TENM3: variants seen among roughly 807,000 people sequenced by gnomAD.
TENM3 encodes teneurin transmembrane protein 3.
TENM3 carries 63 observed loss-of-function variants against 255.1 expected under a neutral mutation model. That is an observed-to-expected ratio of 0.25 (90% CI 0.20 to 0.30). The LOEUF is 0.30. Ranked by LOEUF, TENM3 falls within the 10% of genes least tolerant of loss-of-function variation. The pLI is 1.00. For synonymous variants in TENM3, 1,306 were observed against 1,322.3 expected (o/e 0.99, Z 0.27); for missense variants, 2,929 against 3,461.1 (o/e 0.85, Z 3.86).
chr4:182,482,610 T>G (rs750628691), intron 3 of TENM3, among the ~76,000 whole-genome samples: 9 of 152,234 alleles, frequency 5.9e-5, no homozygotes, highest in Non-Finnish European at 4.4e-5. Flanking sequence ...CTTAACCTTT[T>G]GCAATTTTAG....
At chr4:181,713,505 A>G in the TENM3 span, among the ~76,000 whole-genome samples, 1 of 152,300 alleles carries the variant, frequency 6.6e-6, no homozygotes, top group Non-Finnish European at 1.5e-5. Flanking sequence ...TGGTTGAGGG[A>G]AAATCTTCTT....
intron 3 of TENM3, among the ~76,000 whole-genome samples, chr4:182,427,171 C>T (rs1266461141): frequency 6.6e-6 from 1 of 152,070 alleles, no homozygotes; most frequent in East Asian, 1.9e-4. Context: ...CAACTTTTTA[C>T]TTCTACTCAT....
the TENM3 span, among the ~76,000 whole-genome samples, chr4:181,767,223 G>A: frequency 3.7e-5 from 5 of 136,210 alleles, no homozygotes; most frequent in East Asian, 8.5e-4. Flanking sequence ...CTGCGCTCCA[G>A]CCTGGGCGAG....
At chr4:182,636,533 C>T (rs186053481) in intron 5 of TENM3, among the ~76,000 whole-genome samples, 68 of 151,958 alleles carry the variant, frequency 4.5e-4, no homozygotes, top group African/African-American at 1.3e-3. Flanking sequence ...CTGGCCAGCA[C>T]GGTGAAACCC....
the TENM3 span, among the ~76,000 whole-genome samples, chr4:181,761,571 C>T: frequency 0.84 from 128,307 of 152,174 alleles, 54,308 homozygotes; most frequent in East Asian, 0.94. Flanking sequence ...CCACTAAATT[C>T]AGATATCTAA....
At chr4:182,619,971 T>C (rs994730289) in intron 4 of TENM3, among the ~76,000 whole-genome samples, 1 of 152,264 alleles carries the variant, frequency 6.6e-6, no homozygotes, top group Non-Finnish European at 1.5e-5. Flanking sequence ...AGGTTCACTT[T>C]TTTTCATTCC....
the TENM3 span, among the ~76,000 whole-genome samples, chr4:181,459,649 T>A: frequency 6.6e-6 from 1 of 151,988 alleles, no homozygotes; most frequent in East Asian, 1.9e-4. Flanking sequence ...ATAAGATGGG[T>A]CCTATTTGTA....
the TENM3 span, among the ~76,000 whole-genome samples, chr4:181,499,072 T>A: frequency 6.6e-6 from 1 of 152,202 alleles, no homozygotes. Flanking sequence ...TGCTATTTCA[T>A]CTTGTTGGAT....
the TENM3 span, among the ~76,000 whole-genome samples, chr4:181,986,396 C>T: frequency 1.1e-4 from 16 of 152,052 alleles, no homozygotes; most frequent in Middle Eastern, 3.2e-3. Context: ...CCAGCATGTT[C>T]AGTCTCTTCC....
chr4:181,486,511 T>G, the TENM3 span, among the ~76,000 whole-genome samples: 10 of 152,014 alleles, frequency 6.6e-5, no homozygotes, highest in Non-Finnish European at 1.5e-4. Flanking sequence ...AAAAAGGAGG[T>G]CATTAGCTTG....
At chr4:181,501,897 G>A in the TENM3 span, among the ~76,000 whole-genome samples, 12 of 152,210 alleles carry the variant, frequency 7.9e-5, no homozygotes, top group South Asian at 4.2e-4. Flanking sequence ...AGGGCGAGCC[G>A]GGACATAAGT....
intron 3 of TENM3, among the ~76,000 whole-genome samples, chr4:182,461,248 A>G (rs910353054): frequency 5.3e-5 from 8 of 152,202 alleles, no homozygotes; most frequent in Non-Finnish European, 7.4e-5. Context: ...AGTCAGTGTC[A>G]TATCAAGAAG....
chr4:182,323,420 T>TA (rs11313091), intron 1 of TENM3, among the ~76,000 whole-genome samples: 2,265 of 130,314 alleles, frequency 0.017, 34 homozygotes, highest in Admixed American at 0.058. Context: ...TAAGATATAT[T>TA]AAAAAAAAAA....
the TENM3 span, chr4:182,079,624 A>G: frequency 6.6e-6 from 1 of 152,256 alleles, no homozygotes; most frequent in African/African-American, 2.4e-5. Context: ...ATAAGCAACC[A>G]GGACTATATC....
chr4:182,698,417 C>T (rs917258754), intron 12 of TENM3, among the ~76,000 whole-genome samples: 2 of 152,116 alleles, frequency 1.3e-5, no homozygotes, highest in African/African-American at 4.8e-5. Context: ...GTGAGTCATA[C>T]GATGACGTCT....
chr4:181,945,578 T>C, the TENM3 span, among the ~76,000 whole-genome samples: 1 of 151,846 alleles, frequency 6.6e-6, no homozygotes, highest in African/African-American at 2.4e-5. Context: ...ACTTAGTCAA[T>C]CTGCTTGTGT....
chr4:181,865,579 G>A, the TENM3 span, among the ~76,000 whole-genome samples: 1 of 152,186 alleles, frequency 6.6e-6, no homozygotes, highest in African/African-American at 2.4e-5. Context: ...GCAAAGAGGA[G>A]GGGCTGAAGG....
rs928671873 is a variant in TENM3, at chr4:182,176,449, C to T, written c.-76+31695C>T. On this transcript the variant is annotated intron_variant, in intron 1 of 2. Transcript: ENST00000512480. ...ATATGTAAACATGTTGAAATCGTAC[C>T]TGGTACATAACACTCAAGATGTGTT... Among the ~76,000 whole-genome samples, 18 of 152,162 alleles carry T rather than the reference C, an allele frequency of 1.2e-4. No individual in the cohort carries two copies. The Middle Eastern group carries it at 0.01, about 87-fold the overall frequency.
chr4:182,386,910 G>T (rs149129969), intron 3 of TENM3, among the ~76,000 whole-genome samples: 1 of 152,184 alleles, frequency 6.6e-6, no homozygotes, highest in Middle Eastern at 3.2e-3. Flanking sequence ...CAGTCCCATC[G>T]ACCGCCCAAG....
Sources: allele counts gnomAD v4.1 joint callset (sites outside exome capture counted in the v4.1 genomes callset), GRCh38; gene constraint gnomAD v4.1.1; transcripts MANE v1.5; gene names NCBI Gene and HGNC (gene_info 2026-07-23, HGNC 2026-07-21).